Variants in LMNB1 observed in about 807,000 individuals in gnomAD.
The protein encoded by LMNB1 is lamin-B1.
A neutral mutation model predicts 67.1 loss-of-function variants in LMNB1; 23 were observed. The ratio of observed to expected loss-of-function variants is 0.34; its 90% CI spans 0.25 to 0.49. The LOEUF is 0.49. LMNB1 is among the 20% of genes least tolerant of loss of function. The probability of loss-of-function intolerance (pLI) is 0.99; values close to 1 mark genes in which losing one functional copy is unlikely to be tolerated. For synonymous variants in LMNB1, 281 were observed against 282.9 expected, an observed-to-expected ratio of 0.99 and a Z score of 0.07; for missense variants, 634 against 746.5, an observed-to-expected ratio of 0.85 and a Z score of 1.76.
rs1751795725 is a variant in LMNB1, at chr5:126,819,018, A to G, written c.1036A>G (p.Met346Val). The G allele has an allele frequency of 6.2e-7, 1 of 1,614,166 alleles. No homozygotes were observed. The highest frequency in any genetic ancestry group is 8.5e-7 in the Non-Finnish European group (1 of 1,180,000). The change falls in exon 6 of 11, where the codon ATG becomes GTG. Residue 346 changes from methionine (M) to valine (V), a missense_variant. By Grantham distance (21) the Met-to-Val change is conservative (BLOSUM62 1). Transcript: ENST00000261366. The part of the protein sequence containing the change: ...RRMLTDKERE[M>V]AEIRDQMQQQ... ...CATGCTGACAGACAAAGAGAGAGAG[A>G]TGGCGGAAATAAGGGATCAAATGCA...
At chr5:126,819,296 C>A in intron 6 of LMNB1, 154 bp downstream of exon 6, 1 of 560,066 alleles carries the variant, frequency 1.8e-6, no homozygotes, top group Non-Finnish European at 3.1e-6. Context: ...GATCATATTT[C>A]TACCTCATCG....
At position 126,819,124 on chromosome 5, in the gene LMNB1, T is replaced by G; in HGVS notation, c.1142T>G (p.Leu381Ter). ...GAAATCAGTGCTTACAGGAAACTCT[T>G]AGAAGGCGAAGAAGAGAGGTAAGGA... is the stretch of plus-strand genomic sequence containing the variant. ...DMEISAYRKL[L>*]EGEEERLKLS... The change falls in exon 6 of 11, where the codon TTA becomes TGA. Residue 381 changes from leucine to a stop codon, truncating the protein, a stop_gained. Coordinates refer to ENST00000261366, the MANE Select transcript of LMNB1 (RefSeq NM_005573.4). LOFTEE classifies it high-confidence loss of function. The G allele has an allele frequency of 6.2e-7, 1 of 1,613,978 alleles. No homozygotes were observed.
chr5:126,795,776 A>T (rs760814708), intron 1 of LMNB1, among the ~76,000 whole-genome samples: 5 of 145,206 alleles, frequency 3.4e-5, no homozygotes, highest in African/African-American at 5.1e-5. Flanking sequence ...AGGCATGCAC[A>T]ACCACACCTG....
chr5:126,818,015 C>G (rs575753964), intron 5 of LMNB1, among the ~76,000 whole-genome samples: 1 of 152,266 alleles, frequency 6.6e-6, no homozygotes, highest in Non-Finnish European at 1.5e-5. Context: ...GCCAAATATA[C>G]AGCTTCTATA....
intron 1 of LMNB1, among the ~76,000 whole-genome samples, chr5:126,787,546 A>ATATATATATATATATTT: frequency 3.7e-4 from 24 of 65,560 alleles, no homozygotes; most frequent in African/African-American, 1.4e-3. Context: ...ATATATATAT[A>ATATATATATATATATTT]TTTTTTTTTT....
rs1292473015 is a variant in LMNB1 at position 126,787,537 on chromosome 5, TATA to T, written c.359+9671_359+9673del. On this transcript the variant is annotated intron_variant, in intron 1 of 10. Coordinates refer to ENST00000261366, the MANE Select transcript of LMNB1 (RefSeq NM_005573.4). ...GTGTGTGTGGGGGTATATATATATATATATATATATTTTTTTTTTTTTTTTTTG... is the reference window on the plus strand; with the variant it reads ...GTGTGTGTGGGGGTATATATATATATTATATATTTTTTTTTTTTTTTTTTG... 6.6e-3 allele frequency among the ~76,000 whole-genome samples: 475 copies of T among 72,234 alleles called. 7 individuals are homozygous for T. Among genetic ancestry groups the T allele is most frequent in the East Asian group, 0.014 (39 of 2,760 alleles). 47.4% of individuals were successfully genotyped at this position (72,234 alleles called of 152,430 possible). A position where few individuals can be genotyped will look rare whatever the true frequency, so the allele number is the denominator to read the frequency against.
At chr5:126,820,857 G>A (rs781603244) in intron 6 of LMNB1, 53 bp from the exon 7 acceptor site, 147 of 1,322,912 alleles carry the variant, frequency 1.1e-4, no homozygotes, top group Non-Finnish European at 1.5e-4. Flanking sequence ...TTTTTTTAAG[G>A]CGAGAAGGGC....
intron 3 of LMNB1, among the ~76,000 whole-genome samples, chr5:126,806,919 A>C (rs1751453013): frequency 6.6e-6 from 1 of 152,070 alleles, no homozygotes; most frequent in African/African-American, 2.4e-5. Flanking sequence ...CTGGGACTAC[A>C]GGCGCATGCA....
chr5:126,820,537 T>C (rs1751838941), intron 6 of LMNB1, among the ~76,000 whole-genome samples: 1 of 152,164 alleles, frequency 6.6e-6, no homozygotes, highest in Admixed American at 6.5e-5. Context: ...CTTATTATTA[T>C]TATTTTGAGA....
chr5:126,807,184 G>A (rs1351422848), intron 3 of LMNB1, among the ~76,000 whole-genome samples: 1 of 152,190 alleles, frequency 6.6e-6, no homozygotes, highest in East Asian at 1.9e-4. Context: ...TTGAGGAAAG[G>A]GGAATGTATA....
chr5:126,824,781 T>G (rs1298713331), intron 8 of LMNB1, among the ~76,000 whole-genome samples: 1 of 152,180 alleles, frequency 6.6e-6, no homozygotes, highest in Non-Finnish European at 1.5e-5. Context: ...GGGGAACATC[T>G]CAAAAGTAAG....
Position 126,810,166 on chromosome 5 carries a change from T to C in LMNB1, c.643-14T>C. On this transcript the variant is annotated splice_polypyrimidine_tract_variant and intron_variant, in intron 3 of 10. Transcript: ENST00000261366. ...GTAAGTAGCTTGGCTTTATGCTTTT[T>C]GTTTTTTCCCCAGGAGATTAACGAG... 1 of 1,602,342 alleles carries C rather than the reference T, an allele frequency of 6.2e-7. No homozygotes were observed. The highest frequency in any genetic ancestry group is 8.5e-7 in the Non-Finnish European group (1 of 1,170,548).
At chr5:126,787,606 A>G (rs1750842933) in intron 1 of LMNB1, among the ~76,000 whole-genome samples, 1 of 133,028 alleles carries the variant, frequency 7.5e-6, no homozygotes, top group Non-Finnish European at 1.5e-5. Context: ...GCTGGAGTGC[A>G]ATGGTGTGGT....
chr5:126,806,568 C>T (rs11748362), intron 3 of LMNB1, among the ~76,000 whole-genome samples: 25,570 of 151,908 alleles, frequency 0.17, 2,514 homozygotes, highest in East Asian at 0.27. Flanking sequence ...TAGGGCTGCT[C>T]ATGATATGGC....
chr5:126,805,197 C>T (rs1347558972), intron 2 of LMNB1, among the ~76,000 whole-genome samples: 1 of 152,170 alleles, frequency 6.6e-6, no homozygotes, highest in East Asian at 1.9e-4. Flanking sequence ...TCTGTCTCTG[C>T]TCTCAAAGCC....
Position 126,798,939 on chromosome 5 carries a change from G to A in LMNB1, c.360-5837G>A, listed in dbSNP as rs139780753. ...AAATACAGGGATTTGTATGATCAAT[G>A]CACTGTAAGTGCTGTATATGCAAGA... On this transcript the variant is annotated intron_variant, in intron 1 of 10. Coordinates refer to ENST00000261366, the MANE Select transcript of LMNB1 (RefSeq NM_005573.4). 3.2e-3 allele frequency among the ~76,000 whole-genome samples: 494 copies of A among 152,094 alleles called. 5 individuals are homozygous for A. The highest frequency in any genetic ancestry group is 0.011 in the African/African-American group (473 of 41,484).
chr5:126,817,940 AG>A (rs1183530565), intron 5 of LMNB1, among the ~76,000 whole-genome samples: 7 of 152,198 alleles, frequency 4.6e-5, no homozygotes, highest in African/African-American at 1.2e-4. Context: ...ATAATTACCC[AG>A]CGAGCCACAA....
At chr5:126,778,460 C>T (rs574107488) in intron 1 of LMNB1, among the ~76,000 whole-genome samples, 1 of 152,178 alleles carries the variant, frequency 6.6e-6, no homozygotes, top group African/African-American at 2.4e-5. Flanking sequence ...GGCCCTGTGA[C>T]GTTTTGCGAA....
Position 126,831,080 on chromosome 5 carries a change from C to T in LMNB1, c.1612-1614C>T, listed in dbSNP as rs1025484919. 3.3e-5 allele frequency among the ~76,000 whole-genome samples: 5 copies of T among 152,200 alleles called. 1 individual carries two copies. The highest frequency in any genetic ancestry group is 3.3e-4 in the Admixed American group (5 of 15,280). ...ATCCCCACAAAATACTGTTCTGCCA[C>T]CTTACTTTATTTACAAAACACATTA... is the stretch of plus-strand genomic sequence containing the variant. On this transcript the variant is annotated intron_variant, in intron 9 of 10. Transcript: ENST00000261366.
Sources: allele counts gnomAD v4.1 joint callset (sites outside exome capture counted in the v4.1 genomes callset), GRCh38; gene constraint gnomAD v4.1.1; transcripts MANE v1.5; gene names NCBI Gene and HGNC (gene_info 2026-07-23, HGNC 2026-07-21).